The following NR4A1 variants were observed in gnomAD, a reference collection of about 807,000 sequenced individuals.
The protein encoded by NR4A1 is nuclear receptor subfamily 4 group A member 1, also known as nuclear receptor subfamily 4immunitygroup A member 1.
NR4A1 carries 24 observed loss-of-function variants against 47.5 expected under a neutral mutation model. The observed-to-expected ratio is 0.50, with a 90% CI of 0.37 to 0.71. NR4A1 has a LOEUF of 0.71. Among genes scored for constraint, NR4A1 ranks in the 30% least tolerant of loss-of-function variants. The pLI, the probability that NR4A1 is intolerant of heterozygous loss-of-function variation, is 0.00. For synonymous variants in NR4A1, 353 were observed against 345.7 expected (o/e 1.02, Z -0.24); for missense variants, 669 against 788.6 (o/e 0.85, Z 1.82).
At chr12:52,031,739 A>G (rs1164776964) in intron 1 of NR4A1, among the ~76,000 whole-genome samples, 2 of 150,628 alleles carry the variant, frequency 1.3e-5, no homozygotes, top group Non-Finnish European at 2.9e-5. Flanking sequence ...TCTCACTGAC[A>G]TCCTCCATTT....
chr12:52,056,509 G>A lies in NR4A1; in HGVS notation c.1022G>A (p.Ser341Asn). Reference protein sequence around the residue: ...GMVKEVVRTDSLKGRRGRLPS... With the variant: ...GMVKEVVRTDNLKGRRGRLPS... The stretch of plus-strand genomic sequence containing the variant: ...TCCTTTGCAGTTGTCCGAACAGACA[G>A]CCTGAAGGGGCGGCGGGGCCGGCTA... Residue 341 changes from serine (S) to asparagine (N), a missense_variant, in exon 4 of 7, where the codon AGC becomes AAC. Ser to Asn is a conservative substitution (Grantham distance 46). Coordinates refer to ENST00000394825, the MANE Select transcript of NR4A1 (RefSeq NM_173157.3). 6.2e-7 allele frequency: 1 copy of A among 1,613,238 alleles called. No individual in the cohort carries two copies. The highest frequency in any genetic ancestry group is 8.5e-7 in the Non-Finnish European group (1 of 1,179,726).
In NR4A1 at chr12:52,056,897, C is replaced by T. The variant is rs545652199; in HGVS notation, c.1159-160C>T. ...AATATGTCCTTTTGGCAGCTGCAGC[C>T]CTGGGTTAATATGTGAGACTTGGCA... On this transcript the variant is annotated intron_variant, in intron 4 of 6. Transcript: ENST00000394825. The T allele has an allele frequency of 3.6e-5, 30 of 832,298 alleles. No homozygotes were observed. In the African/African-American group the frequency reaches 3.6e-4, roughly 10 times the overall value. The allele number at this position is 832,298 out of a possible 1,614,324, so 51.6% of individuals were successfully genotyped here. A position where few individuals can be genotyped will look rare whatever the true frequency, so the allele number is the denominator to read the frequency against.
At chr12:52,032,868 G>A (rs1392889987) in intron 1 of NR4A1, among the ~76,000 whole-genome samples, 1 of 152,096 alleles carries the variant, frequency 6.6e-6, no homozygotes, top group African/African-American at 2.4e-5. Context: ...GGACAGGCTG[G>A]AACAGATTTG....
intron 1 of NR4A1, among the ~76,000 whole-genome samples, chr12:52,026,155 G>A (rs1299875809): frequency 2.0e-5 from 3 of 152,248 alleles, no homozygotes; most frequent in Non-Finnish European, 2.9e-5. Flanking sequence ...TGCACTGCTC[G>A]CTCACGCGTT....
At chr12:52,057,002 G>C in intron 4 of NR4A1, 55 bp from the exon 5 acceptor site, 1 of 1,473,220 alleles carries the variant, frequency 6.8e-7, no homozygotes, top group South Asian at 1.3e-5. Context: ...GCCATACGTG[G>C]CAGTGGGTGT....
At chr12:52,029,641 T>C (rs1938075478) in intron 1 of NR4A1, among the ~76,000 whole-genome samples, 1 of 152,096 alleles carries the variant, frequency 6.6e-6, no homozygotes, top group Non-Finnish European at 1.5e-5. Context: ...TGAGCTATGG[T>C]TGCATCACTG....
rs1268321808 is a variant in NR4A1 at position 52,059,088 on chromosome 12, A to T, written c.*144A>T. 6 of 1,078,684 alleles carry T rather than the reference A, an allele frequency of 5.6e-6. No individual in the cohort carries two copies. Among genetic ancestry groups the T allele is most frequent in the Non-Finnish European group, 7.8e-6 (6 of 771,146 alleles). 66.8% of individuals were successfully genotyped at this position (1,078,684 alleles called of 1,614,324 possible). On this transcript the variant is annotated 3_prime_UTR_variant, in exon 7 of 7. Coordinates refer to ENST00000394825, the MANE Select transcript of NR4A1 (RefSeq NM_173157.3). ...TTCTCACCTGCTCCAGGAGGTTTGCAGGGAGCTCAAGCCCTTGGGGAGGGG... is the reference window on the plus strand; with the variant it reads ...TTCTCACCTGCTCCAGGAGGTTTGCTGGGAGCTCAAGCCCTTGGGGAGGGG...
chr12:52,053,101 C>T (rs966859670), intron 1 of NR4A1, among the ~76,000 whole-genome samples: 2 of 152,162 alleles, frequency 1.3e-5, no homozygotes, highest in African/African-American at 4.8e-5. Context: ...TTGATTTCTT[C>T]TCCAGCTTCC....
At chr12:52,032,496 A>G (rs1938147800) in intron 1 of NR4A1, among the ~76,000 whole-genome samples, 1 of 152,062 alleles carries the variant, frequency 6.6e-6, no homozygotes, top group African/African-American at 2.4e-5. Flanking sequence ...TATCCATCCT[A>G]TTGGTTCTGT....
At chr12:52,054,014 C>A (rs961326347) in intron 1 of NR4A1, 1 of 336,098 alleles carries the variant, frequency 3.0e-6, no homozygotes, top group East Asian at 5.1e-5. Flanking sequence ...AACACAGCTT[C>A]CCCCTGTTCT....
chr12:52,051,530 G>C lies in NR4A1; in HGVS notation c.-41G>C. 1 of 985,926 alleles carries C rather than the reference G, an allele frequency of 1.0e-6. No homozygotes were observed. The highest frequency in any genetic ancestry group is 1.2e-6 in the Non-Finnish European group (1 of 830,282). The allele number at this position is 985,926 out of a possible 1,614,324, so 61.1% of individuals were successfully genotyped here. On this transcript the variant is annotated 5_prime_UTR_variant, in exon 1 of 7. Coordinates refer to ENST00000394825, the MANE Select transcript of NR4A1 (RefSeq NM_173157.3). Reference sequence around the variant, plus strand: ...GGGACCAGGGACCAGGCTGAGACTCGGGGCGCCAGTCCGGGCAGGGGCAGC... The same window carrying C: ...GGGACCAGGGACCAGGCTGAGACTCCGGGCGCCAGTCCGGGCAGGGGCAGC...
At chr12:52,033,936 C>G (rs1938184911) in intron 1 of NR4A1, among the ~76,000 whole-genome samples, 1 of 152,188 alleles carries the variant, frequency 6.6e-6, no homozygotes, top group Non-Finnish European at 1.5e-5. Flanking sequence ...ATCCTTTTAC[C>G]CCCGCCCCCG....
chr12:52,059,031 A>G lies in NR4A1; in HGVS notation c.*87A>G. On this transcript the variant is annotated 3_prime_UTR_variant, in exon 7 of 7. Transcript: ENST00000394825. ...TCCACGGACCCCCAGAGCACCCCCA[A>G]GCCTGGGCTTGAGCTGCAGAATGAC... 1.4e-6 allele frequency: 2 copies of G among 1,469,676 alleles called. No homozygotes were observed. The highest frequency in any genetic ancestry group is 4.8e-5 in the East Asian group (2 of 41,966). 91.0% of individuals were successfully genotyped at this position (1,469,676 alleles called of 1,614,324 possible). A position where few individuals can be genotyped will look rare whatever the true frequency, so the allele number is the denominator to read the frequency against.
rs958966912 is a variant in NR4A1, at chr12:52,056,021, C to G, written c.877-9C>G. 6.8e-7 allele frequency: 1 copy of G among 1,479,320 alleles called. No homozygotes were observed. Among genetic ancestry groups the G allele is most frequent in the Non-Finnish European group, 9.0e-7 (1 of 1,111,064 alleles). The allele number at this position is 1,479,320 out of a possible 1,614,324, so 91.6% of individuals were successfully genotyped here. On this transcript the variant is annotated splice_polypyrimidine_tract_variant and intron_variant, in intron 2 of 6. Coordinates refer to ENST00000394825, the MANE Select transcript of NR4A1 (RefSeq NM_173157.3). ...CTGACAGCTTGTTCCGTGTTGCCCC[C>G]CCACCCAGCGCACAGTGCAGAAAAA...
At position 52,055,724 on chromosome 12, in the gene NR4A1, G is replaced by A. The variant is rs1306055929; in HGVS notation, c.877-306G>A. On this transcript the variant is annotated intron_variant, in intron 2 of 6. Coordinates refer to ENST00000394825, the MANE Select transcript of NR4A1 (RefSeq NM_173157.3). ...CCTCTCCTGTCTGCCCTAGGGAGAA[G>A]GCAGGTGGACAAGGGCCCATGAAAA... 4 of 317,912 alleles carry A rather than the reference G, an allele frequency of 1.3e-5. No homozygotes were observed. In the Admixed American group the frequency reaches 1.8e-4, roughly 14 times the overall value. The allele number at this position is 317,912 out of a possible 1,614,324, so 19.7% of individuals were successfully genotyped here. A position where few individuals can be genotyped will look rare whatever the true frequency, so the allele number is the denominator to read the frequency against.
At chr12:52,048,551 G>A (rs1407533143), upstream of NR4A1, among the ~76,000 whole-genome samples, 5 of 152,114 alleles carry the variant, frequency 3.3e-5, no homozygotes, top group African/African-American at 1.2e-4. Flanking sequence ...CCGAGATAGT[G>A]CCACTGCACT....
In NR4A1 at chr12:52,057,127, T is replaced by TC; in HGVS notation, c.1230dup (p.Ser411LeufsTer19). ...GATGTACAGCAGTTCTACGACCTGC[T>TC]CTCCGGTTCTCTGGAGGTCATCCGC... On this transcript the variant is annotated frameshift_variant, in exon 5 of 7. Transcript: ENST00000394825. LOFTEE classifies it high-confidence loss of function. 1 of 1,613,876 alleles carries TC rather than the reference T, an allele frequency of 6.2e-7. No homozygotes were observed. The highest frequency in any genetic ancestry group is 8.5e-7 in the Non-Finnish European group (1 of 1,179,906).
At position 52,054,359 on chromosome 12, in the gene NR4A1, C is replaced by T. The variant is rs1009515801; in HGVS notation, c.31C>T (p.Pro11Ser). The T allele has an allele frequency of 3.7e-6, 6 of 1,613,082 alleles. No individual in the cohort carries two copies. In the Admixed American group the frequency reaches 6.7e-5, roughly 18 times the overall value. Residue 11 changes from proline (P) to serine (S), a missense_variant, in exon 2 of 7, where the codon CCA (proline) becomes TCA (serine). Physicochemically the swap from Pro to Ser is moderately conservative, Grantham distance 74 (BLOSUM62 -1). Transcript: ENST00000394825. Reference protein sequence around the residue: MPCIQAQYGTPAPSPGPRDHL... With the variant: MPCIQAQYGTSAPSPGPRDHL... ...CTGTATCCAAGCCCAATATGGGACA[C>T]CAGCACCGAGTCCGGGACCCCGTGA... is the stretch of plus-strand genomic sequence containing the variant.
Position 52,032,651 on chromosome 12 carries a change from G to A in NR4A1, c.-83-9159G>A, listed in dbSNP as rs1428570666. On this transcript the variant is annotated intron_variant, in intron 1 of 7. Transcript: ENST00000360284. ...GTGCTGTGCTGTGTTTCCAGTGAGAGGGCTGGCCTAGGTGTTTCTCCGAAG... is the reference window on the plus strand; with the variant it reads ...GTGCTGTGCTGTGTTTCCAGTGAGAAGGCTGGCCTAGGTGTTTCTCCGAAG... 2.6e-5 allele frequency among the ~76,000 whole-genome samples: 4 copies of A among 152,206 alleles called. No individual in the cohort carries two copies. In the East Asian group the frequency reaches 7.7e-4, roughly 29 times the overall value.
Sources: gnomAD v4.1 joint callset for allele counts (sites outside exome capture counted in the v4.1 genomes callset) on GRCh38, gnomAD v4.1.1 for gene constraint, MANE v1.5 for transcripts, NCBI Gene and HGNC (gene_info 2026-07-23, HGNC 2026-07-21) for gene names.